The following CUBN variants were observed in gnomAD, a reference collection of about 807,000 sequenced individuals.
CUBN encodes the protein 460 kDa receptor.
Under a neutral mutation model 405.3 loss-of-function variants are expected in CUBN, and 282 were observed. The observed-to-expected ratio is 0.70, with a 90% CI of 0.63 to 0.77. The LOEUF (loss-of-function observed/expected upper bound fraction) is 0.77. CUBN is among the 30% of genes least tolerant of loss of function. The probability of loss-of-function intolerance (pLI) is 0.00; values close to 1 mark genes in which losing one functional copy is unlikely to be tolerated. For synonymous variants in CUBN, 1,684 were observed against 1,617.0 expected (o/e 1.04, Z -0.99); for missense variants, 4,514 against 4,475.2 (o/e 1.01, Z -0.25).
At chr10:17,016,640 C>T (rs998490707) in intron 28 of CUBN, among the ~76,000 whole-genome samples, 4 of 152,084 alleles carry the variant, frequency 2.6e-5, no homozygotes, top group Non-Finnish European at 5.9e-5. Flanking sequence ...CTGGGTTGGG[C>T]CAAATTCTCC....
At chr10:17,095,277 G>T (rs1288258822) in intron 14 of CUBN, among the ~76,000 whole-genome samples, 1 of 151,762 alleles carries the variant, frequency 6.6e-6, no homozygotes, top group Non-Finnish European at 1.5e-5. Context: ...TAAACATAAG[G>T]CCTAAAACTG....
chr10:16,986,563 C>T (rs117453002), intron 29 of CUBN, among the ~76,000 whole-genome samples: 2,707 of 152,216 alleles, frequency 0.018, 35 homozygotes, highest in Non-Finnish European at 0.029. Context: ...TGAAGCATAC[C>T]GACTGCTTCA....
intron 56 of CUBN, among the ~76,000 whole-genome samples, chr10:16,884,828 C>T (rs1840765727): frequency 6.6e-6 from 1 of 152,186 alleles, no homozygotes; most frequent in African/African-American, 2.4e-5. Flanking sequence ...GCCAATCCCA[C>T]CTTTTGTGCT....
At position 16,876,846 on chromosome 10, in the gene CUBN, C is replaced by T. The variant is rs754721866; in HGVS notation, c.9106+51G>A. 2.0e-6 allele frequency: 3 copies of T among 1,482,358 alleles called. No individual in the cohort carries two copies. The South Asian group carries it at 3.4e-5, about 17-fold the overall frequency. The allele number at this position is 1,482,358 out of a possible 1,614,324, so 91.8% of individuals were successfully genotyped here. Reference sequence around the variant, plus strand: ...AATCGCAGTGAAAACTCTTTGTATACATTACTCAGAAAAGAAGAAAATTCC... The same window carrying T: ...AATCGCAGTGAAAACTCTTTGTATATATTACTCAGAAAAGAAGAAAATTCC... On this transcript the variant is annotated intron_variant, in intron 57 of 66. Coordinates refer to ENST00000377833, the MANE Select transcript of CUBN (RefSeq NM_001081.4).
intron 38 of CUBN, 133 bp downstream of exon 38, chr10:16,938,830 C>G: frequency 3.9e-6 from 3 of 765,910 alleles, no homozygotes; most frequent in Middle Eastern, 3.7e-4. Context: ...TAGAGGCAGT[C>G]TGCTCTAAAC....
intron 62 of CUBN, among the ~76,000 whole-genome samples, chr10:16,838,740 G>A (rs1487935120): frequency 7.2e-5 from 11 of 152,178 alleles, no homozygotes; most frequent in Admixed American, 6.5e-4. Context: ...TGCTTCCCAG[G>A]TTCAAGCGAT....
At chr10:16,847,060 A>G (rs902222768) in intron 60 of CUBN, among the ~76,000 whole-genome samples, 5 of 152,110 alleles carry the variant, frequency 3.3e-5, no homozygotes, top group East Asian at 1.9e-4. Context: ...AACAAAGCCA[A>G]TCAGAGCCTC....
intron 62 of CUBN, among the ~76,000 whole-genome samples, chr10:16,837,693 C>T (rs1424412108): frequency 1.3e-5 from 2 of 152,128 alleles, no homozygotes; most frequent in Non-Finnish European, 2.9e-5. Context: ...TCATGATCTG[C>T]CAATTAGGGC....
chr10:17,107,472 T>G (rs987093332), intron 10 of CUBN, among the ~76,000 whole-genome samples: 2 of 151,010 alleles, frequency 1.3e-5, no homozygotes, highest in Non-Finnish European at 2.9e-5. Flanking sequence ...TACAGTAGAA[T>G]TGAATGACAA....
chr10:17,049,450 G>A (rs934222553), intron 22 of CUBN, among the ~76,000 whole-genome samples: 3 of 152,176 alleles, frequency 2.0e-5, no homozygotes, highest in African/African-American at 7.2e-5. Context: ...GTCTGTGGGA[G>A]AATGTTAAGT....
chr10:17,063,766 G>T (rs370452060), intron 22 of CUBN, among the ~76,000 whole-genome samples: 2 of 152,204 alleles, frequency 1.3e-5, no homozygotes, highest in African/African-American at 4.8e-5. Flanking sequence ...GGCCCTGCCT[G>T]TATTATATGT....
In CUBN at chr10:16,907,518, A is replaced by G; in HGVS notation, c.7695T>C (p.Ser2565=). ...AACATCCTACATTACCTGCATCTTCACTGGAGGTATAGGAAGCAGTGAAGC... is the reference window on the plus strand; with the variant it reads ...AACATCCTACATTACCTGCATCTTCGCTGGAGGTATAGGAAGCAGTGAAGC... ...YGGFTASYTS[S]EDAVCGGSLP... Residue 2565 remains serine, a synonymous_variant, in exon 49 of 67, where the codon AGT becomes AGC. Coordinates refer to ENST00000377833, the MANE Select transcript of CUBN (RefSeq NM_001081.4). The G allele has an allele frequency of 6.2e-7, 1 of 1,614,056 alleles. No individual in the cohort carries two copies. Among genetic ancestry groups the G allele is most frequent in the East Asian group, 2.2e-5 (1 of 44,872 alleles).
At chr10:17,004,595 A>G (rs1833967918) in intron 28 of CUBN, among the ~76,000 whole-genome samples, 1 of 151,998 alleles carries the variant, frequency 6.6e-6, no homozygotes, top group Non-Finnish European at 1.5e-5. Flanking sequence ...GGAGCTATCC[A>G]TGATTCCTTC....
rs2131291855 is a variant in CUBN, at chr10:16,824,295, CTCCCATCATGGCCT to C, written c.*666_*679del. On this transcript the variant is annotated 3_prime_UTR_variant, in exon 67 of 67. Coordinates refer to ENST00000377833, the MANE Select transcript of CUBN (RefSeq NM_001081.4). ...CTCAAACTCCTAGGTTCAAGCAATC[CTCCCATCATGGCCT>C]CCCAGCGTGCTGGGATTATGGGTAT... 1 of 152,282 alleles carries C rather than the reference CTCCCATCATGGCCT, an allele frequency of 6.6e-6. No homozygotes were observed. The highest frequency in any genetic ancestry group is 2.1e-4 in the South Asian group (1 of 4,828). The allele number at this position is 152,282 out of a possible 1,614,324, so 9.4% of individuals were successfully genotyped here. A position where few individuals can be genotyped will look rare whatever the true frequency, so the allele number is the denominator to read the frequency against.
chr10:16,991,857 C>G (rs190821543), intron 28 of CUBN, among the ~76,000 whole-genome samples: 29 of 152,160 alleles, frequency 1.9e-4, no homozygotes, highest in African/African-American at 6.0e-4. Context: ...TCTAGAACTA[C>G]AAATACCATT....
chr10:16,835,603 G>A (rs1017985092), intron 63 of CUBN, among the ~76,000 whole-genome samples: 8 of 120,430 alleles, frequency 6.6e-5, no homozygotes, highest in Non-Finnish European at 1.0e-4. Context: ...GTGGCAAATC[G>A]TTATTTACCT....
At chr10:16,898,913 G>C in intron 54 of CUBN, 83 bp downstream of exon 54, 2 of 1,075,686 alleles carry the variant, frequency 1.9e-6, no homozygotes, top group Non-Finnish European at 2.9e-6. Flanking sequence ...TTCTTACTTT[G>C]AGCGACAATG....
chr10:16,829,885 G>C (rs564060145), intron 65 of CUBN, among the ~76,000 whole-genome samples: 1 of 151,200 alleles, frequency 6.6e-6, no homozygotes, highest in Non-Finnish European at 1.5e-5. Flanking sequence ...GCAGTGGCAC[G>C]ATCTTGGCTC....
chr10:16,935,931 T>C (rs2131599521), intron 39 of CUBN, among the ~76,000 whole-genome samples: 1 of 144,862 alleles, frequency 6.9e-6, no homozygotes, highest in Non-Finnish European at 1.5e-5. Context: ...GATAGGACAA[T>C]GCTCAATAAG....
Sources: gnomAD v4.1 joint callset for allele counts (sites outside exome capture counted in the v4.1 genomes callset) on GRCh38, gnomAD v4.1.1 for gene constraint, MANE v1.5 for transcripts, NCBI Gene and HGNC (gene_info 2026-07-23, HGNC 2026-07-21) for gene names.